Variants in ZNF232 observed in about 807,000 individuals in gnomAD.
ZNF232 encodes the protein zinc finger protein 232.
ZNF232 carries 25 observed loss-of-function variants against 25.2 expected under a neutral mutation model. The observed-to-expected ratio is 0.99, with a 90% CI of 0.72 to 1.39. ZNF232 has a LOEUF of 1.39. Ranked by LOEUF, ZNF232 falls within the 40% of genes most tolerant of loss-of-function variation. The pLI is 0.00. For synonymous variants in ZNF232, 193 were observed against 182.9 expected, an observed-to-expected ratio of 1.06 and a Z score of -0.45; for missense variants, 519 against 520.9, an observed-to-expected ratio of 1.00 and a Z score of 0.04.
chr17:5,118,077 A>AT (rs1254788340), intron 1 of ZNF232: 2 of 152,420 alleles, frequency 1.3e-5, no homozygotes, highest in Non-Finnish European at 1.5e-5. Context: ...TCAAAAAAAA[A>AT]AAAAAAATCA....
intron 3 of ZNF232, chr17:5,106,511 C>A: frequency 6.2e-7 from 1 of 1,610,408 alleles, no homozygotes; most frequent in Non-Finnish European, 8.5e-7. Flanking sequence ...TAACAACTGA[C>A]AGAAAATGTA....
chr17:5,112,127 G>A (rs942707910), upstream of ZNF232: 1 of 495,940 alleles, frequency 2.0e-6, no homozygotes, highest in Non-Finnish European at 3.5e-6. Context: ...TTGTAAGCGG[G>A]TGACTTCATC....
chr17:5,109,984 G>C (rs1204652276), intron 1 of ZNF232, 116 bp from the exon 2 acceptor site: 3 of 1,007,676 alleles, frequency 3.0e-6, no homozygotes, highest in African/African-American at 3.3e-5. Flanking sequence ...CCACCCCCGG[G>C]GTTCTAGCGA....
intron 2 of ZNF232, 117 bp from the exon 3 acceptor site, chr17:5,109,169 A>T: frequency 6.9e-7 from 1 of 1,453,834 alleles, no homozygotes; most frequent in Non-Finnish European, 9.4e-7. Flanking sequence ...TTCCAAGGAG[A>T]CTTTAGAGAG....
upstream of ZNF232, chr17:5,111,892 G>T (rs1456421482): frequency 1.9e-6 from 3 of 1,596,836 alleles, no homozygotes; most frequent in Admixed American, 1.7e-5. Context: ...TGCGCAGGTC[G>T]CAGCCTCGGC....
intron 1 of ZNF232, chr17:5,120,599 G>A: frequency 2.7e-6 from 1 of 364,804 alleles, no homozygotes; most frequent in East Asian, 7.3e-5. Context: ...ATGGCCTTGG[G>A]TGAGCTCCTG....
upstream of ZNF232, chr17:5,111,958 G>C (rs889863936): frequency 2.3e-6 from 3 of 1,294,712 alleles, no homozygotes; most frequent in Non-Finnish European, 3.1e-6. Context: ...CTTTGGCCCA[G>C]GCGCGTGGGC....
At chr17:5,122,605 TC>T (rs1304502993) in intron 1 of ZNF232, among the ~76,000 whole-genome samples, 2 of 149,446 alleles carry the variant, frequency 1.3e-5, no homozygotes, top group African/African-American at 5.0e-5. Context: ...GCCCCGACCC[TC>T]CGCTGCGGGG....
chr17:5,122,174 C>T (rs1189722124), intron 1 of ZNF232, among the ~76,000 whole-genome samples: 6 of 151,730 alleles, frequency 4.0e-5, no homozygotes, highest in South Asian at 2.1e-4. Context: ...AGGTGGTGCA[C>T]GCAGAAGAGA....
intron 1 of ZNF232, among the ~76,000 whole-genome samples, chr17:5,110,718 G>A (rs901481884): frequency 6.6e-6 from 1 of 152,196 alleles, no homozygotes; most frequent in Non-Finnish European, 1.5e-5. Flanking sequence ...CTGCGTCAAG[G>A]AAATCTAACA....
At chr17:5,108,788 A>C in intron 3 of ZNF232, 138 bp downstream of exon 3, 2 of 1,354,014 alleles carry the variant, frequency 1.5e-6, no homozygotes, top group Non-Finnish European at 2.0e-6. Flanking sequence ...TCTCTCACCT[A>C]AGAGATAAGA....
chr17:5,112,108 A>C, upstream of ZNF232: 1 of 534,428 alleles, frequency 1.9e-6, no homozygotes, highest in Admixed American at 3.6e-5. Flanking sequence ...GCAGGTGGAG[A>C]GTGAGCCCTT....
upstream of ZNF232, chr17:5,111,886 C>G (rs990979886): frequency 1.9e-6 from 3 of 1,604,290 alleles, no homozygotes; most frequent in Middle Eastern, 1.7e-4. Context: ...TGCGCCTGCG[C>G]AGGTCGCAGC....
intron 1 of ZNF232, among the ~76,000 whole-genome samples, chr17:5,122,263 G>C (rs1318281804): frequency 2.0e-5 from 3 of 152,074 alleles, no homozygotes; most frequent in Middle Eastern, 3.2e-3. Flanking sequence ...CAGTAAGTGT[G>C]GGGTGAACAC....
chr17:5,121,577 G>A (rs2072666318), intron 1 of ZNF232: 1 of 164,518 alleles, frequency 6.1e-6, no homozygotes, highest in Admixed American at 6.1e-5. Flanking sequence ...TGTGTTACGG[G>A]ACCCAACTGG....
upstream of ZNF232, among the ~76,000 whole-genome samples, chr17:5,115,420 G>A (rs1269032501): frequency 6.6e-6 from 1 of 151,998 alleles, no homozygotes; most frequent in East Asian, 1.9e-4. Context: ...GCGTGGTGGG[G>A]GGCGCCTGTA....
At chr17:5,106,481 G>T in exon 4 of ZNF232, 1 of 1,613,914 alleles carries the variant, frequency 6.2e-7, no homozygotes. Flanking sequence ...CTTTGTCCTT[G>T]GGCTCTGGGC....
upstream of ZNF232, chr17:5,111,851 A>C: frequency 1.9e-6 from 3 of 1,613,594 alleles, no homozygotes; most frequent in Non-Finnish European, 2.5e-6. Flanking sequence ...CGCGCCACTT[A>C]CAGCCCTCAC....
chr17:5,107,385 C>T lies in ZNF232; in HGVS notation c.626-879G>A, dbSNP rs529505096. On this transcript the variant is annotated intron_variant, in intron 3 of 3. Transcript: ENST00000575898. ...CCTGGGCGACAGAGCGAGACTCCATCTCAAAAAGGAAAAAAAAAAAAAAAA... is the reference window on the plus strand; with the variant it reads ...CCTGGGCGACAGAGCGAGACTCCATTTCAAAAAGGAAAAAAAAAAAAAAAA... 9.8e-5 allele frequency among the ~76,000 whole-genome samples: 8 copies of T among 81,772 alleles called. 1 individual carries two copies. The South Asian group carries it at 3.2e-3, about 33-fold the overall frequency. 53.6% of individuals were successfully genotyped at this position (81,772 alleles called of 152,430 possible).
Sources: gnomAD v4.1 joint callset for allele counts (sites outside exome capture counted in the v4.1 genomes callset) on GRCh38, gnomAD v4.1.1 for gene constraint, MANE v1.5 for transcripts, NCBI Gene and HGNC (gene_info 2026-07-23, HGNC 2026-07-21) for gene names.